LRRTM4: variants seen among roughly 807,000 people sequenced by gnomAD.
LRRTM4 encodes leucine-rich repeat transmembrane neuronal protein 4.
Under a neutral mutation model 47.6 loss-of-function variants are expected in LRRTM4, and 25 were observed. The ratio of observed to expected loss-of-function variants is 0.53; its 90% CI spans 0.38 to 0.73. LRRTM4 has a LOEUF of 0.73. LRRTM4 is among the 30% of genes least tolerant of loss of function. The pLI is 0.00. For synonymous variants in LRRTM4, 311 were observed against 269.5 expected (o/e 1.15, Z -1.51); for missense variants, 638 against 713.4 (o/e 0.89, Z 1.20).
intron 3 of LRRTM4, among the ~76,000 whole-genome samples, chr2:77,476,641 T>C (rs1030893174): frequency 2.6e-5 from 4 of 152,050 alleles, no homozygotes; most frequent in African/African-American, 9.7e-5. Flanking sequence ...GATAATGCAA[T>C]CTCCAAAAAA....
At chr2:76,904,553 G>C (rs1471073982) in intron 3 of LRRTM4, among the ~76,000 whole-genome samples, 7 of 152,186 alleles carry the variant, frequency 4.6e-5, no homozygotes, top group Non-Finnish European at 8.8e-5. Flanking sequence ...ATCTCTGTCA[G>C]TGTTAATCTA....
chr2:76,910,497 A>T (rs1043505022), intron 3 of LRRTM4, among the ~76,000 whole-genome samples: 4 of 152,192 alleles, frequency 2.6e-5, no homozygotes, highest in African/African-American at 9.7e-5. Context: ...AAAGTATAAT[A>T]ATAAAAAAAA....
At chr2:77,024,314 C>T (rs982919711) in intron 3 of LRRTM4, among the ~76,000 whole-genome samples, 1 of 152,090 alleles carries the variant, frequency 6.6e-6, no homozygotes, top group Admixed American at 6.6e-5. Flanking sequence ...TTAGATTCCA[C>T]ATGTAAGTGA....
intron 3 of LRRTM4, among the ~76,000 whole-genome samples, chr2:77,500,079 C>T (rs1678514465): frequency 6.6e-6 from 1 of 151,696 alleles, no homozygotes; most frequent in Admixed American, 6.6e-5. Flanking sequence ...TTGAGTATAG[C>T]TGCCGGGCCA....
intron 3 of LRRTM4, among the ~76,000 whole-genome samples, chr2:77,269,028 A>G (rs1676125175): frequency 6.6e-6 from 1 of 152,112 alleles, no homozygotes; most frequent in South Asian, 2.1e-4. Context: ...GAACCTTTGC[A>G]CACACTAATT....
chr2:77,151,784 GTTT>G (rs1194494108), intron 3 of LRRTM4, among the ~76,000 whole-genome samples: 1 of 102,366 alleles, frequency 9.8e-6, no homozygotes, highest in African/African-American at 5.6e-5. Flanking sequence ...GAAAGATCTT[GTTT>G]GTTGTTGTTG....
chr2:76,969,909 C>G (rs756627753), intron 3 of LRRTM4, among the ~76,000 whole-genome samples: 1 of 151,916 alleles, frequency 6.6e-6, no homozygotes, highest in Non-Finnish European at 1.5e-5. Context: ...AATCTCAAAT[C>G]TATCCCTCAT....
chr2:76,926,618 G>T (rs947412981), intron 3 of LRRTM4, among the ~76,000 whole-genome samples: 3 of 152,104 alleles, frequency 2.0e-5, no homozygotes, highest in Admixed American at 2.0e-4. Flanking sequence ...AGCTGGTATT[G>T]CAGGAATGTT....
chr2:77,000,954 C>T (rs1677402100), intron 3 of LRRTM4, among the ~76,000 whole-genome samples: 1 of 152,090 alleles, frequency 6.6e-6, no homozygotes, highest in African/African-American at 2.4e-5. Context: ...TCAAAAGAAG[C>T]TACCTTATAC....
chr2:76,904,082 C>T (rs1007902583), intron 3 of LRRTM4, among the ~76,000 whole-genome samples: 1 of 152,184 alleles, frequency 6.6e-6, no homozygotes, highest in African/African-American at 2.4e-5. Context: ...TGATTCCCAC[C>T]TACTCAGAAC....
chr2:76,820,307 T>A (rs1404846953), intron 3 of LRRTM4, among the ~76,000 whole-genome samples: 1 of 151,800 alleles, frequency 6.6e-6, no homozygotes, highest in African/African-American at 2.4e-5. Flanking sequence ...TTCTTCTCAT[T>A]TTACATTCCG....
chr2:77,056,354 G>T (rs998290693), intron 3 of LRRTM4, among the ~76,000 whole-genome samples: 1 of 152,016 alleles, frequency 6.6e-6, no homozygotes, highest in Non-Finnish European at 1.5e-5. Flanking sequence ...AGACTCAAAA[G>T]TATAGCACCT....
intron 3 of LRRTM4, among the ~76,000 whole-genome samples, chr2:77,114,795 G>T (rs893466400): frequency 6.6e-6 from 1 of 152,164 alleles, no homozygotes; most frequent in Non-Finnish European, 1.5e-5. Context: ...TTTAAAAGGG[G>T]AGGGGGTGTA....
At chr2:77,373,718 A>G (rs1284503411) in intron 3 of LRRTM4, among the ~76,000 whole-genome samples, 1 of 151,756 alleles carries the variant, frequency 6.6e-6, no homozygotes, top group East Asian at 1.9e-4. Context: ...CTTCATTTTT[A>G]AAGCTATACT....
intron 3 of LRRTM4, among the ~76,000 whole-genome samples, chr2:77,307,549 A>AT (rs1227106199): frequency 7.3e-6 from 1 of 137,548 alleles, no homozygotes; most frequent in Admixed American, 7.8e-5. Flanking sequence ...ATATCTATAT[A>AT]TTATAGAAAT....
intron 3 of LRRTM4, among the ~76,000 whole-genome samples, chr2:76,924,844 C>A (rs1350449851): frequency 1.3e-5 from 2 of 151,996 alleles, no homozygotes; most frequent in Non-Finnish European, 2.9e-5. Context: ...CCCATGGATT[C>A]ATACATTGTG....
intron 3 of LRRTM4, among the ~76,000 whole-genome samples, chr2:77,394,722 G>T (rs1233375588): frequency 6.6e-6 from 1 of 151,916 alleles, no homozygotes; most frequent in Non-Finnish European, 1.5e-5. Flanking sequence ...TATTCACTTT[G>T]GGGTAGAGAC....
chr2:76,815,103 G>C (rs759755082), intron 3 of LRRTM4, among the ~76,000 whole-genome samples: 2 of 151,820 alleles, frequency 1.3e-5, no homozygotes, highest in South Asian at 4.2e-4. Flanking sequence ...CAGGACAATT[G>C]TATCTATTAA....
At chr2:77,041,028 C>T (rs1471293544) in intron 3 of LRRTM4, among the ~76,000 whole-genome samples, 1 of 151,184 alleles carries the variant, frequency 6.6e-6, no homozygotes, top group African/African-American at 2.4e-5. Context: ...CTTCTTTCTC[C>T]TATCTAACTG....
Sources: allele counts gnomAD v4.1 joint callset (sites outside exome capture counted in the v4.1 genomes callset), GRCh38; gene constraint gnomAD v4.1.1; transcripts MANE v1.5; gene names NCBI Gene and HGNC (gene_info 2026-07-23, HGNC 2026-07-21).